The following TCERG1L variants were observed in gnomAD, a reference collection of about 807,000 sequenced individuals.
The protein encoded by TCERG1L is transcription elongation regulator 1 like, also known as transcription elongation regulator 1-like protein.
A neutral mutation model predicts 56.3 loss-of-function variants in TCERG1L; 37 were observed. The observed-to-expected ratio is 0.66, with a 90% CI of 0.51 to 0.87. The LOEUF (loss-of-function observed/expected upper bound fraction) is 0.87. TCERG1L is among the 40% of genes least tolerant of loss of function. TCERG1L has a pLI of 0.00. For missense variants in TCERG1L, 799 were observed against 774.2 expected, an observed-to-expected ratio of 1.03 and a Z score of -0.38; for synonymous variants, 324 against 326.3, an observed-to-expected ratio of 0.99 and a Z score of 0.08.
chr10:131,166,544 T>C (rs948241527), intron 5 of TCERG1L, among the ~76,000 whole-genome samples: 2 of 152,242 alleles, frequency 1.3e-5, no homozygotes, highest in African/African-American at 4.8e-5. Context: ...AAAGTTCAAA[T>C]GGAAGCCAAA....
chr10:131,180,669 T>C (rs541482142), intron 4 of TCERG1L, among the ~76,000 whole-genome samples: 1 of 152,336 alleles, frequency 6.6e-6, no homozygotes, highest in South Asian at 2.1e-4. Flanking sequence ...TAAAATATTG[T>C]ATTTCACACA....
chr10:131,147,349 G>A (rs963961217), intron 6 of TCERG1L, among the ~76,000 whole-genome samples: 5 of 152,154 alleles, frequency 3.3e-5, no homozygotes, highest in African/African-American at 1.2e-4. Context: ...ATTAATGAGA[G>A]GGAAGGAAAG....
intron 4 of TCERG1L, among the ~76,000 whole-genome samples, chr10:131,180,029 G>A (rs1386682440): frequency 6.6e-6 from 1 of 152,188 alleles, no homozygotes; most frequent in Non-Finnish European, 1.5e-5. Context: ...TGAGACCTGA[G>A]GGAGGTCGGG....
chr10:131,246,464 C>A (rs1352140383), intron 4 of TCERG1L, among the ~76,000 whole-genome samples: 2 of 152,052 alleles, frequency 1.3e-5, no homozygotes, highest in Non-Finnish European at 2.9e-5. Flanking sequence ...GGGCAGGCCC[C>A]ACATGACTGG....
At chr10:131,153,823 G>A (rs946677827) in intron 6 of TCERG1L, among the ~76,000 whole-genome samples, 1 of 152,176 alleles carries the variant, frequency 6.6e-6, no homozygotes, top group African/African-American at 2.4e-5. Context: ...CCCAGGAGGA[G>A]GCCGAGTGAC....
chr10:131,168,923 T>A (rs1357595221), intron 4 of TCERG1L, among the ~76,000 whole-genome samples: 2 of 152,210 alleles, frequency 1.3e-5, no homozygotes, highest in Non-Finnish European at 2.9e-5. Flanking sequence ...GACAGCTGCG[T>A]GCACAGGTCT....
chr10:131,215,843 T>C (rs1845664126), intron 4 of TCERG1L, among the ~76,000 whole-genome samples: 1 of 152,090 alleles, frequency 6.6e-6, no homozygotes, highest in Admixed American at 6.6e-5. Context: ...AAAACCATTT[T>C]CCATGGAAAA....
At chr10:131,257,018 A>G (rs1162608657) in intron 4 of TCERG1L, among the ~76,000 whole-genome samples, 40 of 146,666 alleles carry the variant, frequency 2.7e-4, no homozygotes, top group African/African-American at 9.6e-4. Flanking sequence ...AGAAAGAAAG[A>G]AAGAAAGAAA....
intron 6 of TCERG1L, among the ~76,000 whole-genome samples, chr10:131,151,079 A>T (rs1192854493): frequency 6.6e-6 from 1 of 152,180 alleles, no homozygotes; most frequent in Non-Finnish European, 1.5e-5. Context: ...GGGGATTACC[A>T]TGAGGTGAGA....
intron 7 of TCERG1L, among the ~76,000 whole-genome samples, chr10:131,135,017 G>A (rs1845659759): frequency 1.3e-5 from 2 of 152,204 alleles, no homozygotes; most frequent in South Asian, 4.1e-4. Context: ...TCCATTCTGA[G>A]GCAGTCAGCC....
chr10:131,310,621 T>C (rs1382314308), intron 1 of TCERG1L, among the ~76,000 whole-genome samples: 3 of 152,194 alleles, frequency 2.0e-5, no homozygotes, highest in African/African-American at 7.2e-5. Context: ...AAAGGTTCAG[T>C]CACTTTTTCT....
chr10:131,217,708 C>CTTT (rs534101797), intron 4 of TCERG1L, among the ~76,000 whole-genome samples: 15 of 79,104 alleles, frequency 1.9e-4, no homozygotes, highest in East Asian at 3.7e-4. Flanking sequence ...AGTAGCTGCC[C>CTTT]TTTTTTTTTT....
At chr10:131,308,568 G>A (rs995595892) in intron 2 of TCERG1L, among the ~76,000 whole-genome samples, 177 bp from the exon 3 acceptor site, 11 of 152,120 alleles carry the variant, frequency 7.2e-5, no homozygotes, top group East Asian at 3.9e-4. Context: ...CTTCAATACC[G>A]ATCACCATCT....
intron 4 of TCERG1L, among the ~76,000 whole-genome samples, chr10:131,178,639 C>G (rs1321059932): frequency 6.6e-6 from 1 of 152,124 alleles, no homozygotes; most frequent in Non-Finnish European, 1.5e-5. Context: ...GAGGTCTCCC[C>G]AGCACCTGGG....
chr10:131,291,567 C>T (rs1312760040), intron 3 of TCERG1L, among the ~76,000 whole-genome samples: 1 of 150,964 alleles, frequency 6.6e-6, no homozygotes, highest in Admixed American at 6.6e-5. Flanking sequence ...GCTGGGACTA[C>T]AGGCGCCCGC....
At chr10:131,230,923 T>C (rs776931928) in intron 4 of TCERG1L, among the ~76,000 whole-genome samples, 1 of 151,958 alleles carries the variant, frequency 6.6e-6, no homozygotes, top group Non-Finnish European at 1.5e-5. Context: ...CAGGGTGCCG[T>C]GCCAGAGCTA....
In TCERG1L at chr10:131,224,058, T is replaced by G. The variant is rs546826335; in HGVS notation, c.856+36201A>C. Among the ~76,000 whole-genome samples the G allele has an allele frequency of 4.5e-4, 68 of 152,186 alleles. 1 individual carries two copies. The highest frequency in any genetic ancestry group is 1.6e-3 in the African/African-American group (66 of 41,518). On this transcript the variant is annotated intron_variant, in intron 4 of 11. Coordinates refer to ENST00000368642, the MANE Select transcript of TCERG1L (RefSeq NM_174937.4). Reference sequence around the variant, plus strand: ...TCACTGTCACTTCCAACCGTTTCCTTTTAGGGCCTGAATTCCAGTCGATTA... The same window carrying G: ...TCACTGTCACTTCCAACCGTTTCCTGTTAGGGCCTGAATTCCAGTCGATTA...
intron 4 of TCERG1L, among the ~76,000 whole-genome samples, chr10:131,219,682 G>A (rs1194485269): frequency 3.3e-5 from 5 of 152,200 alleles, no homozygotes; most frequent in African/African-American, 1.2e-4. Context: ...GCTCTGAGGG[G>A]CTTCCCCTCG....
At chr10:131,275,328 C>A (rs965617396) in intron 3 of TCERG1L, among the ~76,000 whole-genome samples, 4 of 152,210 alleles carry the variant, frequency 2.6e-5, no homozygotes, top group African/African-American at 9.6e-5. Flanking sequence ...GGACATCACT[C>A]TCCCTGCCTC....
Sources: allele counts gnomAD v4.1 joint callset (sites outside exome capture counted in the v4.1 genomes callset), GRCh38; gene constraint gnomAD v4.1.1; transcripts MANE v1.5; gene names NCBI Gene and HGNC (gene_info 2026-07-23, HGNC 2026-07-21).